Variants in DUSP7 observed in about 807,000 individuals in gnomAD.
DUSP7 encodes the protein dual specificity protein phosphatase 7.
DUSP7 carries 7 observed loss-of-function variants against 29.8 expected under a neutral mutation model. The observed-to-expected ratio is 0.24, with a 90% CI of 0.13 to 0.44. The LOEUF is 0.44. DUSP7 is among the 20% of genes least tolerant of loss of function. The probability of loss-of-function intolerance (pLI) is 1.00; values close to 1 mark genes in which losing one functional copy is unlikely to be tolerated. For missense variants in DUSP7, 400 were observed against 583.7 expected (o/e 0.69, Z 3.24); for synonymous variants, 287 against 275.4 (o/e 1.04, Z -0.42).
At position 52,050,528 on chromosome 3, in the gene DUSP7, T is replaced by A. The variant is rs112777849; in HGVS notation, c.*287A>T. 2 of 333,844 alleles carry A rather than the reference T, an allele frequency of 6.0e-6. No individual in the cohort carries two copies. Among genetic ancestry groups the A allele is most frequent in the Non-Finnish European group, 1.1e-5 (2 of 183,190 alleles). 20.7% of individuals were successfully genotyped at this position (333,844 alleles called of 1,614,324 possible). On this transcript the variant is annotated 3_prime_UTR_variant, in exon 3 of 3. Coordinates refer to ENST00000495880, the MANE Select transcript of DUSP7 (RefSeq NM_001947.4). The surrounding 1 kb of genome is among the most constrained non-coding windows in gnomAD (Gnocchi z 5.0). Reference sequence around the variant, plus strand: ...TAAAAAACAGCCAAACTGGCTGGGCTGTCAGCAGAAAGGAGCGTCCTGGAC... The same window carrying A: ...TAAAAAACAGCCAAACTGGCTGGGCAGTCAGCAGAAAGGAGCGTCCTGGAC...
intron 1 of DUSP7, 44 bp downstream of exon 1, chr3:52,055,806 C>CG (rs372791699): frequency 0.069 from 101,877 of 1,479,804 alleles, 4,016 homozygotes; most frequent in Non-Finnish European, 0.079. Flanking sequence ...CAGGGAGTCG[C>CG]GGGGGGGCCC....
chr3:52,054,509 T>C lies in DUSP7; in HGVS notation c.518-135A>G. On this transcript the variant is annotated intron_variant, in intron 1 of 2. Coordinates refer to ENST00000495880, the MANE Select transcript of DUSP7 (RefSeq NM_001947.4). This position sits in a 1 kb window ranked among gnomAD's most constrained non-coding sequence, Gnocchi z 4.1. ...CGGTCAGCATGGGCCATGCCAAGCA[T>C]GTTACACGTGTGCCCTCTCTCGTGT... 1.5e-6 allele frequency: 1 copy of C among 670,116 alleles called. No homozygotes were observed. The highest frequency in any genetic ancestry group is 2.2e-5 in the South Asian group (1 of 46,410). 41.5% of individuals were successfully genotyped at this position (670,116 alleles called of 1,614,324 possible). A position where few individuals can be genotyped will look rare whatever the true frequency, so the allele number is the denominator to read the frequency against.
chr3:52,056,128 T>C lies in DUSP7; in HGVS notation c.239A>G (p.His80Arg), dbSNP rs2106895266. 1.2e-6 allele frequency: 2 copies of C among 1,603,560 alleles called. No homozygotes were observed. The highest frequency in any genetic ancestry group is 4.5e-5 in the East Asian group (2 of 44,652). ...GATGTGCGACGACTCGAAGAGCTCG[T>C]GCGGCCGGCAGTCGAGCAGCAGCAA... The part of the protein sequence containing the change: ...ASLLLLDCRP[H>R]ELFESSHIET... The change falls in exon 1 of 3, where the codon CAC (histidine) becomes CGC (arginine). Residue 80 changes from histidine to arginine, a missense_variant. This residue lies in a region of DUSP7 where 223 missense variants were observed against 360.9 expected (regional missense o/e 0.62). Coordinates refer to ENST00000495880, the MANE Select transcript of DUSP7 (RefSeq NM_001947.4). The surrounding 1 kb of genome is among the most constrained non-coding windows in gnomAD (Gnocchi z 6.4).
Position 52,056,272 on chromosome 3 carries a change from C to A in DUSP7, c.95G>T (p.Gly32Val). The change falls in exon 1 of 3, where the codon GGT (glycine) becomes GTT (valine). Residue 32 changes from glycine (G) to valine (V), a missense_variant. This residue lies in a region of DUSP7 where 96 missense variants were observed against 97.1 expected (regional missense o/e 0.99). Coordinates refer to ENST00000495880, the MANE Select transcript of DUSP7 (RefSeq NM_001947.4). The surrounding 1 kb of genome is among the most constrained non-coding windows in gnomAD (Gnocchi z 6.4). Reference protein sequence around the residue: ...AGGTRAGSEPGAGSGSGAGTG... With the variant: ...AGGTRAGSEPVAGSGSGAGTG... ...GCCTGCGCCGGACCCCGACCCCGCA[C>A]CGGGCTCGGACCCCGCCCGGGTGCC... 7.6e-7 allele frequency: 1 copy of A among 1,309,414 alleles called. No individual in the cohort carries two copies. Among genetic ancestry groups the A allele is most frequent in the South Asian group, 2.1e-5 (1 of 47,722 alleles). The allele number at this position is 1,309,414 out of a possible 1,614,324, so 81.1% of individuals were successfully genotyped here. A position where few individuals can be genotyped will look rare whatever the true frequency, so the allele number is the denominator to read the frequency against.
rs774622489 is a variant in DUSP7 at position 52,050,878 on chromosome 3, C to T, written c.1197G>A (p.Gln399=). 4.7e-5 allele frequency: 76 copies of T among 1,614,100 alleles called. No homozygotes were observed. The Middle Eastern group carries it at 6.6e-4, about 14-fold the overall frequency. ...SPCDNHASSE[Q]LYFSTPTNHN... Reference sequence around the variant, plus strand: ...GGTTGGTGGGCGTGGAAAAGTAGAGCTGCTCACTCGACGCGTGGTTGTCGC... The same window carrying T: ...GGTTGGTGGGCGTGGAAAAGTAGAGTTGCTCACTCGACGCGTGGTTGTCGC... Residue 399 remains glutamine, a synonymous_variant, in exon 3 of 3, where the codon CAG becomes CAA. Transcript: ENST00000495880. This position sits in a 1 kb window ranked among gnomAD's most constrained non-coding sequence, Gnocchi z 5.0.
chr3:52,052,101 C>T, intron 2 of DUSP7: 2 of 152,270 alleles, frequency 1.3e-5, no homozygotes, highest in Non-Finnish European at 2.9e-5. Flanking sequence ...TACTGAACAA[C>T]TCAGTCCTGT....
rs772143499 is a variant in DUSP7, at chr3:52,054,970, G to A, written c.518-596C>T. On this transcript the variant is annotated intron_variant, in intron 1 of 2. Coordinates refer to ENST00000495880, the MANE Select transcript of DUSP7 (RefSeq NM_001947.4). The surrounding 1 kb of genome is among the most constrained non-coding windows in gnomAD (Gnocchi z 4.1). Reference sequence around the variant, plus strand: ...TGGCCCCTTCCCCCAGCAGGGGCAGGTTTTTGAAGGGGGTCCTGGCTCCAC... The same window carrying A: ...TGGCCCCTTCCCCCAGCAGGGGCAGATTTTTGAAGGGGGTCCTGGCTCCAC... Among the ~76,000 whole-genome samples, 1 of 152,226 alleles carries A rather than the reference G, an allele frequency of 6.6e-6. No individual in the cohort carries two copies. Among genetic ancestry groups the A allele is most frequent in the Non-Finnish European group, 1.5e-5 (1 of 68,040 alleles).
In DUSP7 at chr3:52,054,384, G is replaced by A. The variant is rs892112664; in HGVS notation, c.518-10C>T. ...AACTTGTTGAAACCACCTGTGTCCAGGGTGAGACAGGGCCTGGGTGAGAGG... is the reference window on the plus strand; with the variant it reads ...AACTTGTTGAAACCACCTGTGTCCAAGGTGAGACAGGGCCTGGGTGAGAGG... On this transcript the variant is annotated splice_polypyrimidine_tract_variant and intron_variant, in intron 1 of 2. Coordinates refer to ENST00000495880, the MANE Select transcript of DUSP7 (RefSeq NM_001947.4). This position sits in a 1 kb window ranked among gnomAD's most constrained non-coding sequence, Gnocchi z 4.1. The A allele has an allele frequency of 2.6e-6, 4 of 1,521,422 alleles. No homozygotes were observed. Among genetic ancestry groups the A allele is most frequent in the Admixed American group, 2.2e-5 (1 of 45,996 alleles). 94.2% of individuals were successfully genotyped at this position (1,521,422 alleles called of 1,614,324 possible).
In DUSP7 at chr3:52,050,680, C is replaced by CGAT; in HGVS notation, c.*132_*134dup. On this transcript the variant is annotated 3_prime_UTR_variant, in exon 3 of 3. Coordinates refer to ENST00000495880, the MANE Select transcript of DUSP7 (RefSeq NM_001947.4). This position sits in a 1 kb window ranked among gnomAD's most constrained non-coding sequence, Gnocchi z 5.0. ...AGGATGGTGAGGGGCGCTCCGACACCGATCAGCCTGGGCCTCTGGGCACAG... is the reference window on the plus strand; with the variant it reads ...AGGATGGTGAGGGGCGCTCCGACACCGATGATCAGCCTGGGCCTCTGGGCACAG... 1 of 1,063,192 alleles carries CGAT rather than the reference C, an allele frequency of 9.4e-7. No individual in the cohort carries two copies. Among genetic ancestry groups the CGAT allele is most frequent in the Non-Finnish European group, 1.3e-6 (1 of 752,966 alleles). 65.9% of individuals were successfully genotyped at this position (1,063,192 alleles called of 1,614,324 possible).
At position 52,053,196 on chromosome 3, in the gene DUSP7, C is replaced by G. The variant is rs1701863003; in HGVS notation, c.952+744G>C. 1 of 152,968 alleles carries G rather than the reference C, an allele frequency of 6.5e-6. No homozygotes were observed. The highest frequency in any genetic ancestry group is 1.5e-5 in the Non-Finnish European group (1 of 68,608). The allele number at this position is 152,968 out of a possible 1,614,324, so 9.5% of individuals were successfully genotyped here. ...TTCATCCTGAGCCCTCGTGCCCCTT[C>G]CTTGCACCCTGGGCCAGGGGAGATG... is the stretch of plus-strand genomic sequence containing the variant. On this transcript the variant is annotated intron_variant, in intron 2 of 2. Coordinates refer to ENST00000495880, the MANE Select transcript of DUSP7 (RefSeq NM_001947.4). This position sits in a 1 kb window ranked among gnomAD's most constrained non-coding sequence, Gnocchi z 4.6.
chr3:52,056,385 G>T lies in DUSP7; in HGVS notation c.-19C>A. ...TTTTCATGGGGAGCGCGGGCGGCCC[G>T]GGGCCGGGGCCGGGCAGCCCTGCCC... On this transcript the variant is annotated 5_prime_UTR_variant, in exon 1 of 3. Transcript: ENST00000495880. The surrounding 1 kb of genome is among the most constrained non-coding windows in gnomAD (Gnocchi z 6.4). 1 of 1,047,804 alleles carries T rather than the reference G, an allele frequency of 9.5e-7. No homozygotes were observed. Among genetic ancestry groups the T allele is most frequent in the South Asian group, 4.4e-5 (1 of 22,562 alleles). 64.9% of individuals were successfully genotyped at this position (1,047,804 alleles called of 1,614,324 possible). A position where few individuals can be genotyped will look rare whatever the true frequency, so the allele number is the denominator to read the frequency against.
chr3:52,055,814 CCCCGAT>C, intron 1 of DUSP7, 30 bp downstream of exon 1: 1 of 1,483,112 alleles, frequency 6.7e-7, no homozygotes, highest in Non-Finnish European at 8.9e-7. Flanking sequence ...CGCGGGGGGG[CCCCGAT>C]CCCGTAAGGC....
Position 52,056,169 on chromosome 3 carries a change from C to T in DUSP7, c.198G>A (p.Ala66=), listed in dbSNP as rs1430217763. 10 of 1,588,616 alleles carry T rather than the reference C, an allele frequency of 6.3e-6. No individual in the cohort carries two copies. Among genetic ancestry groups the T allele is most frequent in the Non-Finnish European group, 8.5e-6 (10 of 1,174,098 alleles). The change falls in exon 1 of 3, where the codon GCG becomes GCA. Residue 66 remains alanine, a synonymous_variant. Coordinates refer to ENST00000495880, the MANE Select transcript of DUSP7 (RefSeq NM_001947.4). This position sits in a 1 kb window ranked among gnomAD's most constrained non-coding sequence, Gnocchi z 6.4. ...GCAGCAGCAAGGACGCGCCGCCGCG[C>T]GCCTCCAGCTCCTCCTGCAGCCACT... ...SAEWLQEELE[A]RGGASLLLLD...
In DUSP7 at chr3:52,056,266, C is replaced by A. The variant is rs1701899744; in HGVS notation, c.101G>T (p.Gly34Val). 1 of 1,317,678 alleles carries A rather than the reference C, an allele frequency of 7.6e-7. No individual in the cohort carries two copies. Among genetic ancestry groups the A allele is most frequent in the Non-Finnish European group, 9.6e-7 (1 of 1,039,462 alleles). The allele number at this position is 1,317,678 out of a possible 1,614,324, so 81.6% of individuals were successfully genotyped here. A position where few individuals can be genotyped will look rare whatever the true frequency, so the allele number is the denominator to read the frequency against. Residue 34 changes from glycine (G) to valine (V), a missense_variant, in exon 1 of 3, where the codon GGG becomes GTG. Physicochemically the swap from Gly to Val is moderately radical, Grantham distance 109. Transcript: ENST00000495880. This position sits in a 1 kb window ranked among gnomAD's most constrained non-coding sequence, Gnocchi z 6.4. ...GTRAGSEPGA[G>V]SGSGAGTGAG... ...CCCGGTGCCTGCGCCGGACCCCGAC[C>A]CCGCACCGGGCTCGGACCCCGCCCG...
rs934158118 is a variant in DUSP7, at chr3:52,050,668, G to A, written c.*147C>T. On this transcript the variant is annotated 3_prime_UTR_variant, in exon 3 of 3. Coordinates refer to ENST00000495880, the MANE Select transcript of DUSP7 (RefSeq NM_001947.4). The surrounding 1 kb of genome is among the most constrained non-coding windows in gnomAD (Gnocchi z 5.0). The stretch of plus-strand genomic sequence containing the variant: ...GCCCTGCCCCCAAGGATGGTGAGGG[G>A]CGCTCCGACACCGATCAGCCTGGGC... The A allele has an allele frequency of 1.4e-4, 135 of 949,530 alleles. No individual in the cohort carries two copies. Among genetic ancestry groups the A allele is most frequent in the Non-Finnish European group, 1.9e-4 (123 of 655,546 alleles). 58.8% of individuals were successfully genotyped at this position (949,530 alleles called of 1,614,324 possible).
At position 52,050,768 on chromosome 3, in the gene DUSP7, G is replaced by GGAGAGCC; in HGVS notation, c.*40_*46dup. 1 of 1,570,964 alleles carries GGAGAGCC rather than the reference G, an allele frequency of 6.4e-7. No homozygotes were observed. Among genetic ancestry groups the GGAGAGCC allele is most frequent in the East Asian group, 2.3e-5 (1 of 44,344 alleles). ...CTTGGGCTCTCCCACCTAGCCCTGT[G>GGAGAGCC]GAGAGCCGAGCAGGGGCCTGGTGCC... On this transcript the variant is annotated 3_prime_UTR_variant, in exon 3 of 3. Transcript: ENST00000495880. The surrounding 1 kb of genome is among the most constrained non-coding windows in gnomAD (Gnocchi z 5.0).
chr3:52,056,184 C>T lies in DUSP7; in HGVS notation c.183G>A (p.Gln61=), dbSNP rs1284630305. The change falls in exon 1 of 3, where the codon CAG becomes CAA. Residue 61 remains glutamine (Q), a synonymous_variant. Transcript: ENST00000495880. This position sits in a 1 kb window ranked among gnomAD's most constrained non-coding sequence, Gnocchi z 6.4. ...AMPCKSAEWL[Q]EELEARGGAS... ...CGCCGCCGCGCGCCTCCAGCTCCTC[C>T]TGCAGCCACTCGGCGCTCTTGCAGG... 1 of 1,575,862 alleles carries T rather than the reference C, an allele frequency of 6.3e-7. No individual in the cohort carries two copies. The highest frequency in any genetic ancestry group is 8.6e-7 in the Non-Finnish European group (1 of 1,168,182).
rs748571401 is a variant in DUSP7, at chr3:52,054,014, T to C, written c.878A>G (p.Tyr293Cys). Residue 293 changes from tyrosine (Y) to cysteine (C), a missense_variant, in exon 2 of 3, where the codon TAC becomes TGC. Tyr to Cys is a radical substitution (Grantham distance 194, BLOSUM62 -2). Coordinates refer to ENST00000495880, the MANE Select transcript of DUSP7 (RefSeq NM_001947.4). The surrounding 1 kb of genome is among the most constrained non-coding windows in gnomAD (Gnocchi z 4.1). ...NAFEHGGEFT[Y>C]KQIPISDHWS... ...GTGGTCAGAGATGGGGATCTGCTTG[T>C]AGGTGAACTCGCCGCCGTGCTCGAA... 1 of 1,614,120 alleles carries C rather than the reference T, an allele frequency of 6.2e-7. No individual in the cohort carries two copies. Among genetic ancestry groups the C allele is most frequent in the Non-Finnish European group, 8.5e-7 (1 of 1,180,012 alleles).
chr3:52,053,693 ATGACG>A lies in DUSP7; in HGVS notation c.952+242_952+246del, dbSNP rs1391843971. 42 of 559,092 alleles carry A rather than the reference ATGACG, an allele frequency of 7.5e-5. No homozygotes were observed. Among genetic ancestry groups the A allele is most frequent in the Non-Finnish European group, 9.6e-6 (3 of 311,046 alleles). The allele number at this position is 559,092 out of a possible 1,614,324, so 34.6% of individuals were successfully genotyped here. On this transcript the variant is annotated intron_variant, in intron 2 of 2. Transcript: ENST00000495880. The surrounding 1 kb of genome is among the most constrained non-coding windows in gnomAD (Gnocchi z 4.6). ...ACACAAGCTGGACAGCAGAGAGCCC[ATGACG>A]TGCTGTCAGCTAGGGGGAGCTCAGG... is the stretch of plus-strand genomic sequence containing the variant.
Sources: gnomAD v4.1 joint callset for allele counts (sites outside exome capture counted in the v4.1 genomes callset) on GRCh38, gnomAD v4.1.1 for gene constraint, gnomAD v4.1.1 regional missense constraint, Gnocchi (gnomAD v3.1) non-coding constraint, MANE v1.5 for transcripts, NCBI Gene and HGNC (gene_info 2026-07-23, HGNC 2026-07-21) for gene names.